The following SATB2 variants were observed in gnomAD, a reference collection of about 807,000 sequenced individuals.
The protein encoded by SATB2 is SATB homeobox 2.
Under a neutral mutation model 73.4 loss-of-function variants are expected in SATB2, and 1 was observed. That is an observed-to-expected ratio of 0.01 (90% CI 0.00 to 0.06). SATB2 has a LOEUF of 0.06. Ranked by LOEUF, SATB2 falls within the 10% of genes least tolerant of loss-of-function variation. The probability of loss-of-function intolerance (pLI) is 1.00; values close to 1 mark genes in which losing one functional copy is unlikely to be tolerated. For missense variants in SATB2, 459 were observed against 945.8 expected (o/e 0.49, Z 6.75); for synonymous variants, 397 against 367.0 (o/e 1.08, Z -0.93).
chr2:199,396,360 T>C (rs1008447774), intron 3 of SATB2: 3 of 152,232 alleles, frequency 2.0e-5, no homozygotes, highest in Non-Finnish European at 4.4e-5. Context: ...AAAATGGCTA[T>C]TGGAATTATC....
chr2:199,325,098 A>C (rs79825594), intron 8 of SATB2, among the ~76,000 whole-genome samples: 1 of 152,248 alleles, frequency 6.6e-6, no homozygotes, highest in East Asian at 1.9e-4. Flanking sequence ...GTTTCCATAA[A>C]GGCTTTGCTT....
At chr2:199,367,313 A>C (rs1474274161) in intron 6 of SATB2, among the ~76,000 whole-genome samples, 1 of 152,158 alleles carries the variant, frequency 6.6e-6, no homozygotes, top group African/African-American at 2.4e-5. Flanking sequence ...AGAATTTTAG[A>C]GTCTGTTGAA....
chr2:199,354,128 A>C (rs777447184), intron 6 of SATB2, among the ~76,000 whole-genome samples: 1 of 152,112 alleles, frequency 6.6e-6, no homozygotes, highest in Non-Finnish European at 1.5e-5. Flanking sequence ...AAGGCCAAGG[A>C]GGGCGGATCA....
intron 5 of SATB2, among the ~76,000 whole-genome samples, chr2:199,369,951 C>A (rs1470546885): frequency 6.6e-6 from 1 of 152,110 alleles, no homozygotes; most frequent in East Asian, 1.9e-4. Flanking sequence ...CATGACAATT[C>A]TTTTCTCTGA....
At chr2:199,309,370 A>C (rs1246138170) in intron 9 of SATB2, among the ~76,000 whole-genome samples, 1 of 152,284 alleles carries the variant, frequency 6.6e-6, no homozygotes, top group Admixed American at 6.5e-5. Flanking sequence ...ATTCTAAAAA[A>C]GAAAAATTGT....
chr2:199,379,450 T>A (rs181117612), intron 5 of SATB2, among the ~76,000 whole-genome samples: 8 of 152,240 alleles, frequency 5.3e-5, no homozygotes, highest in African/African-American at 1.9e-4. Flanking sequence ...GGCTGACTCA[T>A]CCAGCTGACC....
chr2:199,324,550 G>C (rs901417836), intron 8 of SATB2, among the ~76,000 whole-genome samples: 1 of 151,970 alleles, frequency 6.6e-6, no homozygotes, highest in Non-Finnish European at 1.5e-5. Context: ...ATAAAACTAG[G>C]CTTCACAATG....
chr2:199,381,208 TGTTTG>T (rs2105867068), intron 4 of SATB2, among the ~76,000 whole-genome samples: 1 of 152,310 alleles, frequency 6.6e-6, no homozygotes, highest in South Asian at 2.1e-4. Context: ...TTTGTTTGTT[TGTTTG>T]TTTGTTTTGA....
At chr2:199,289,221 G>C (rs973219034) in intron 10 of SATB2, among the ~76,000 whole-genome samples, 10 of 152,000 alleles carry the variant, frequency 6.6e-5, no homozygotes, top group Non-Finnish European at 1.5e-5. Context: ...ACAGACTTTT[G>C]CTTCTCAACT....
At chr2:199,323,084 T>C (rs985971294) in intron 9 of SATB2, among the ~76,000 whole-genome samples, 1 of 152,054 alleles carries the variant, frequency 6.6e-6, no homozygotes, top group Admixed American at 6.6e-5. Context: ...TCCCTTTAAA[T>C]GAAGAATTGA....
chr2:199,420,534 T>C (rs1691133402), intron 3 of SATB2, among the ~76,000 whole-genome samples: 1 of 152,158 alleles, frequency 6.6e-6, no homozygotes, highest in Admixed American at 6.5e-5. Flanking sequence ...CTCAGTCTCC[T>C]GGTAGAATGT....
At chr2:199,330,542 G>C (rs1299110032) in intron 7 of SATB2, among the ~76,000 whole-genome samples, 1 of 152,130 alleles carries the variant, frequency 6.6e-6, no homozygotes, top group East Asian at 1.9e-4. Context: ...TAACCGACTG[G>C]TACATGATTC....
intron 5 of SATB2, among the ~76,000 whole-genome samples, chr2:199,375,195 A>G (rs1689563937): frequency 6.6e-6 from 1 of 152,206 alleles, no homozygotes. Flanking sequence ...AGATGCAATC[A>G]TAAGGTTTTC....
intron 3 of SATB2, among the ~76,000 whole-genome samples, chr2:199,407,368 CTAA>C (rs1690665397): frequency 6.6e-6 from 1 of 151,496 alleles, no homozygotes; most frequent in African/African-American, 2.4e-5. Flanking sequence ...GTCAGATGCC[CTAA>C]TAAGAGGTGA....
chr2:199,384,065 A>G (rs975799000), intron 3 of SATB2, among the ~76,000 whole-genome samples: 3 of 152,092 alleles, frequency 2.0e-5, no homozygotes, highest in Non-Finnish European at 2.9e-5. Context: ...GAGGGGAGGG[A>G]GAGAAATCTC....
upstream of SATB2, chr2:199,470,038 C>G (rs1264685846): frequency 6.6e-6 from 1 of 152,418 alleles, no homozygotes; most frequent in Admixed American, 6.5e-5. Context: ...TTCCTCCTCT[C>G]CCCTTTACCC....
chr2:199,317,222 C>T (rs1221124569), intron 9 of SATB2, among the ~76,000 whole-genome samples: 1 of 151,982 alleles, frequency 6.6e-6, no homozygotes, highest in Admixed American at 6.6e-5. Flanking sequence ...TTACATCTTG[C>T]ACCCCAGGCA....
At chr2:199,286,398 T>C (rs1038122949) in intron 10 of SATB2, among the ~76,000 whole-genome samples, 5 of 152,190 alleles carry the variant, frequency 3.3e-5, no homozygotes, top group African/African-American at 1.2e-4. Flanking sequence ...TATTTGATCA[T>C]CTAGGGCTAA....
chr2:199,351,589 C>T (rs1466774303), intron 6 of SATB2, among the ~76,000 whole-genome samples: 1 of 151,944 alleles, frequency 6.6e-6, no homozygotes, highest in Non-Finnish European at 1.5e-5. Flanking sequence ...TAAAATCAAA[C>T]CAAGCAAATG....
Sources: gnomAD v4.1 joint callset for allele counts (sites outside exome capture counted in the v4.1 genomes callset) on GRCh38, gnomAD v4.1.1 for gene constraint, MANE v1.5 for transcripts, NCBI Gene and HGNC (gene_info 2026-07-23, HGNC 2026-07-21) for gene names.